Variants in TANC2 observed in about 807,000 individuals in gnomAD.
The protein encoded by TANC2 is protein TANC2.
Under a neutral mutation model 210.5 loss-of-function variants are expected in TANC2, and 26 were observed. That is an observed-to-expected ratio of 0.12 (90% CI 0.09 to 0.17). TANC2 has a LOEUF of 0.17. Among genes scored for constraint, TANC2 ranks in the 10% least tolerant of loss-of-function variants. The pLI, the probability that TANC2 is intolerant of heterozygous loss-of-function variation, is 1.00. For missense variants in TANC2, 2,129 were observed against 2,608.9 expected (o/e 0.82, Z 4.01); for synonymous variants, 931 against 967.1 (o/e 0.96, Z 0.69).
intron 2 of TANC2, among the ~76,000 whole-genome samples, chr17:63,071,026 A>G (rs954771484): frequency 2.6e-5 from 4 of 152,194 alleles, no homozygotes; most frequent in African/African-American, 9.6e-5. Context: ...AGTAATTCAT[A>G]TATCAGTGTC....
At chr17:63,372,936 C>A (rs1455190602) in intron 14 of TANC2, among the ~76,000 whole-genome samples, 6 of 143,932 alleles carry the variant, frequency 4.2e-5, no homozygotes, top group Admixed American at 1.4e-4. Flanking sequence ...TGCTCGTCAC[C>A]CAGGCTGAAG....
chr17:63,029,559 A>G (rs535078382), intron 2 of TANC2, among the ~76,000 whole-genome samples: 25 of 152,142 alleles, frequency 1.6e-4, no homozygotes, highest in Admixed American at 5.9e-4. Flanking sequence ...GTTCAGTACA[A>G]CTTTCTCTGA....
chr17:63,007,530 T>C (rs1204420318), intron 1 of TANC2, among the ~76,000 whole-genome samples: 2 of 152,182 alleles, frequency 1.3e-5, no homozygotes, highest in East Asian at 3.9e-4. Context: ...CTGCTTTTTC[T>C]CTTATGTCTT....
chr17:63,059,197 AATT>A (rs2035911194), intron 2 of TANC2, among the ~76,000 whole-genome samples: 1 of 152,070 alleles, frequency 6.6e-6, no homozygotes, highest in Non-Finnish European at 1.5e-5. Flanking sequence ...CTTCAGTCTG[AATT>A]ATGTTGTTTG....
intron 5 of TANC2, among the ~76,000 whole-genome samples, chr17:63,169,514 A>T (rs183177123): frequency 6.6e-6 from 1 of 152,180 alleles, no homozygotes; most frequent in Non-Finnish European, 1.5e-5. Flanking sequence ...CCATCATGTC[A>T]GTTCTTTAAT....
intron 4 of TANC2, chr17:63,148,806 T>TTTA (rs1555585454): frequency 6.6e-6 from 1 of 152,160 alleles, no homozygotes; most frequent in Non-Finnish European, 1.5e-5. Context: ...ATTCCAGGCT[T>TTTA]CCAGGTAAAA....
intron 26 of TANC2, among the ~76,000 whole-genome samples, chr17:63,415,888 G>A (rs1181969534): frequency 1.3e-5 from 2 of 152,142 alleles, no homozygotes; most frequent in Non-Finnish European, 1.5e-5. Context: ...CGAGTACTTT[G>A]CAGCTTTCTG....
At chr17:63,204,351 A>G (rs986801480) in intron 7 of TANC2, among the ~76,000 whole-genome samples, 1 of 152,210 alleles carries the variant, frequency 6.6e-6, no homozygotes, top group Non-Finnish European at 1.5e-5. Context: ...ACTTAAATGG[A>G]AAGATATACT....
chr17:63,259,082 G>A (rs2146212705), intron 8 of TANC2, among the ~76,000 whole-genome samples: 1 of 152,280 alleles, frequency 6.6e-6, no homozygotes, highest in Admixed American at 6.5e-5. Context: ...CAAGGTAGCA[G>A]GTTCCCTTCT....
intron 4 of TANC2, among the ~76,000 whole-genome samples, chr17:63,104,167 C>T (rs944974786): frequency 2.0e-5 from 3 of 151,988 alleles, no homozygotes; most frequent in Admixed American, 6.6e-5. Context: ...TTTCAAGGTT[C>T]GTTGGGCTTA....
At chr17:63,219,797 TAGA>T (rs957552307) in intron 7 of TANC2, among the ~76,000 whole-genome samples, 7 of 152,106 alleles carry the variant, frequency 4.6e-5, no homozygotes, top group African/African-American at 1.7e-4. Context: ...TCCATTTTTT[TAGA>T]AGAAATAAAA....
intron 2 of TANC2, 59 bp from the exon 3 acceptor site, chr17:63,073,884 A>G: frequency 1.6e-5 from 21 of 1,343,176 alleles, no homozygotes; most frequent in Non-Finnish European, 2.2e-5. Context: ...ATAATGTCAG[A>G]GACACTGTTA....
intron 11 of TANC2, among the ~76,000 whole-genome samples, chr17:63,336,890 A>G (rs955723185): frequency 1.3e-5 from 2 of 152,224 alleles, no homozygotes; most frequent in Non-Finnish European, 2.9e-5. Context: ...AGGAGCTGTA[A>G]TAGTAGTGAC....
At chr17:62,986,940 C>T (rs1435983918) in intron 1 of TANC2, among the ~76,000 whole-genome samples, 1 of 152,098 alleles carries the variant, frequency 6.6e-6, no homozygotes, top group Non-Finnish European at 1.5e-5. Flanking sequence ...ATTTCTGAGG[C>T]CCTGACTGCA....
rs184919877 is a variant in TANC2, at chr17:63,276,255, C to T, written c.1159+8382C>T. Among the ~76,000 whole-genome samples the T allele has an allele frequency of 7.8e-4, 118 of 152,092 alleles. 1 individual carries two copies. Among genetic ancestry groups the T allele is most frequent in the African/African-American group, 2.6e-3 (107 of 41,500 alleles). ...TAAAATGTTTTATCTTAAATTTCAA[C>T]GAATTAAAATACCCAGTTTTTATAT... is the stretch of plus-strand genomic sequence containing the variant. On this transcript the variant is annotated intron_variant, in intron 9 of 27. Transcript: ENST00000689528.
intron 17 of TANC2, chr17:63,391,620 A>G (rs969064975): frequency 6.6e-6 from 1 of 152,168 alleles, no homozygotes; most frequent in Non-Finnish European, 1.5e-5. Context: ...CATTCTACCA[A>G]GCTGCTCTTT....
intron 9 of TANC2, among the ~76,000 whole-genome samples, chr17:63,271,611 C>A (rs548068729): frequency 6.6e-5 from 10 of 151,298 alleles, no homozygotes; most frequent in Non-Finnish European, 1.5e-4. Flanking sequence ...CACCCTTGCC[C>A]CCCCCATCCC....
intron 9 of TANC2, among the ~76,000 whole-genome samples, chr17:63,290,766 G>T (rs527447449): frequency 6.6e-6 from 1 of 152,088 alleles, no homozygotes; most frequent in Non-Finnish European, 1.5e-5. Context: ...AAATTTTTAA[G>T]AAGAATGTTA....
intron 11 of TANC2, among the ~76,000 whole-genome samples, chr17:63,324,948 C>T (rs539445856): frequency 6.6e-6 from 1 of 152,022 alleles, no homozygotes; most frequent in African/African-American, 2.4e-5. Flanking sequence ...AATAGCTCCT[C>T]CTTGCCCTTG....
Sources: gnomAD v4.1 joint callset for allele counts (sites outside exome capture counted in the v4.1 genomes callset) on GRCh38, gnomAD v4.1.1 for gene constraint, MANE v1.5 for transcripts, NCBI Gene and HGNC (gene_info 2026-07-23, HGNC 2026-07-21) for gene names.